DPP6: variants seen among roughly 807,000 people sequenced by gnomAD.
DPP6 encodes A-type potassium channel modulatory protein DPP6.
A neutral mutation model predicts 122.6 loss-of-function variants in DPP6; 69 were observed. The observed-to-expected ratio is 0.56, with a 90% confidence interval of 0.46 to 0.69. DPP6 has a LOEUF of 0.69. DPP6 is among the 30% of genes least tolerant of loss of function. The pLI is 0.00. For synonymous variants in DPP6, 418 were observed against 433.1 expected (o/e 0.97, Z 0.43); for missense variants, 928 against 1,116.9 (o/e 0.83, Z 2.41).
chr7:153,782,400 G>A, the DPP6 span, among the ~76,000 whole-genome samples: 2 of 152,110 alleles, frequency 1.3e-5, no homozygotes, highest in Admixed American at 1.3e-4. Context: ...CCGTGGCACT[G>A]TGAAGACAAA....
At chr7:154,407,364 G>A (rs1259248514) in intron 1 of DPP6, among the ~76,000 whole-genome samples, 1 of 152,168 alleles carries the variant, frequency 6.6e-6, no homozygotes, top group Non-Finnish European at 1.5e-5. Flanking sequence ...CTGCCCAAAT[G>A]TTATTGAAAA....
the DPP6 span, among the ~76,000 whole-genome samples, chr7:153,797,112 A>T: frequency 6.6e-6 from 1 of 152,282 alleles, no homozygotes; most frequent in South Asian, 2.1e-4. Flanking sequence ...GGAACTTGAA[A>T]GTGGATCATT....
intron 7 of DPP6, among the ~76,000 whole-genome samples, chr7:154,716,837 T>C (rs1841515016): frequency 2.0e-5 from 3 of 152,160 alleles, no homozygotes; most frequent in African/African-American, 7.2e-5. Context: ...TTTGTTGTTA[T>C]TGTTGCTGTT....
intron 8 of DPP6, among the ~76,000 whole-genome samples, chr7:154,735,052 T>C (rs1353895429): frequency 6.6e-6 from 1 of 152,246 alleles, no homozygotes; most frequent in Non-Finnish European, 1.5e-5. Context: ...CATTAATGTG[T>C]AATTAATGAT....
chr7:154,255,161 G>A (rs747266283), intron 1 of DPP6, among the ~76,000 whole-genome samples: 7 of 152,134 alleles, frequency 4.6e-5, no homozygotes, highest in South Asian at 2.1e-4. Context: ...TACAGGGTCC[G>A]TCCGAGGGGT....
chr7:153,836,953 C>A, the DPP6 span, among the ~76,000 whole-genome samples: 1 of 152,130 alleles, frequency 6.6e-6, no homozygotes, highest in South Asian at 2.1e-4. Context: ...GTGGCTGCTG[C>A]GGAGGCTGGT....
chr7:154,181,708 A>G (rs574178457), intron 1 of DPP6, among the ~76,000 whole-genome samples: 1 of 151,386 alleles, frequency 6.6e-6, no homozygotes, highest in East Asian at 1.9e-4. Context: ...CCATTTTAAA[A>G]ACACTTGAGG....
At chr7:154,484,762 T>C (rs1446274571) in intron 3 of DPP6, among the ~76,000 whole-genome samples, 2 of 152,232 alleles carry the variant, frequency 1.3e-5, no homozygotes, top group African/African-American at 4.8e-5. Flanking sequence ...TCTGTGTCTC[T>C]AGGATGCGGT....
intron 1 of DPP6, among the ~76,000 whole-genome samples, chr7:154,090,472 A>C (rs1804724536): frequency 1.3e-5 from 2 of 152,238 alleles, no homozygotes; most frequent in Non-Finnish European, 2.9e-5. Context: ...TATGAAATCT[A>C]GGGTTTGTAT....
At position 154,202,057 on chromosome 7, in the gene DPP6, A is replaced by G. The variant is rs547590055; in HGVS notation, c.243+148994A>G. ...AGTACCTAAAAGTGGAGCTACGACT[A>G]GTTTTCTTGGAGTGAGTTTTGGGAA... On this transcript the variant is annotated intron_variant, in intron 1 of 25. Coordinates refer to ENST00000377770, the MANE Select transcript of DPP6 (RefSeq NM_130797.4). Among the ~76,000 whole-genome samples the G allele has an allele frequency of 1.3e-4, 20 of 152,312 alleles. No individual in the cohort carries two copies. In the South Asian group the frequency reaches 3.7e-3, roughly 28 times the overall value.
intron 1 of DPP6, among the ~76,000 whole-genome samples, chr7:153,930,831 C>CA (rs974924096): frequency 5.3e-5 from 8 of 152,032 alleles, no homozygotes; most frequent in Non-Finnish European, 7.4e-5. Context: ...CTGGAATCTG[C>CA]AAAAAATGAG....
At chr7:154,502,978 T>G (rs1332239449) in intron 3 of DPP6, among the ~76,000 whole-genome samples, 1 of 152,216 alleles carries the variant, frequency 6.6e-6, no homozygotes, top group African/African-American at 2.4e-5. Flanking sequence ...TCAAAAAACT[T>G]GAACTTGTCT....
rs3778732 is a variant in DPP6, at chr7:154,853,866, C to T, written c.1714+39C>T. Reference sequence around the variant, plus strand: ...TTTTTCCTTAAATCTTCCTGAGACTCAGGAGAAAGGAAGCAAAACACTCTA... The same window carrying T: ...TTTTTCCTTAAATCTTCCTGAGACTTAGGAGAAAGGAAGCAAAACACTCTA... On this transcript the variant is annotated intron_variant, in intron 17 of 25. Transcript: ENST00000377770. The T allele has an allele frequency of 0.16, 251,259 of 1,610,168 alleles. 20,274 individuals carry two copies. The highest frequency in any genetic ancestry group is 0.22 in the South Asian group (19,781 of 90,858).
At chr7:154,869,040 G>A (rs547102716) in intron 18 of DPP6, among the ~76,000 whole-genome samples, 3 of 152,336 alleles carry the variant, frequency 2.0e-5, no homozygotes, top group East Asian at 3.9e-4. Context: ...CTGACTGATA[G>A]TAACTGCAGG....
intron 1 of DPP6, among the ~76,000 whole-genome samples, chr7:154,068,551 T>G (rs1166970677): frequency 9.5e-6 from 1 of 105,504 alleles, no homozygotes; most frequent in Non-Finnish European, 2.1e-5. Flanking sequence ...GCAGGGAGGG[T>G]GGCTTTGGCA....
chr7:154,294,743 A>C (rs1805425169), intron 1 of DPP6, among the ~76,000 whole-genome samples: 1 of 152,046 alleles, frequency 6.6e-6, no homozygotes, highest in Non-Finnish European at 1.5e-5. Context: ...ACAACTCCAG[A>C]GGGTTTCTTG....
chr7:154,567,935 G>A (rs935639376), intron 5 of DPP6, among the ~76,000 whole-genome samples: 1 of 152,170 alleles, frequency 6.6e-6, no homozygotes, highest in Non-Finnish European at 1.5e-5. Flanking sequence ...GATTACTGGA[G>A]ATTTCAACTT....
At position 154,062,311 on chromosome 7, in the gene DPP6, C is replaced by A. The variant is rs1470736319; in HGVS notation, c.243+9248C>A. The stretch of plus-strand genomic sequence containing the variant: ...CCCTCTTCCCCCCCGGCTCTGAGGA[C>A]CCCCATCGCAGGAGGGGGAGGCACC... On this transcript the variant is annotated intron_variant, in intron 1 of 25. Coordinates refer to ENST00000377770, the MANE Select transcript of DPP6 (RefSeq NM_130797.4). Among the ~76,000 whole-genome samples, 445 of 71,240 alleles carry A rather than the reference C, an allele frequency of 6.2e-3. 11 individuals carry two copies. Among genetic ancestry groups the A allele is most frequent in the Non-Finnish European group, 9.2e-3 (322 of 35,062 alleles). The allele number at this position is 71,240 out of a possible 152,430, so 46.7% of individuals were successfully genotyped here. A position where few individuals can be genotyped will look rare whatever the true frequency, so the allele number is the denominator to read the frequency against.
chr7:154,480,498 T>C (rs1189592782), intron 3 of DPP6, among the ~76,000 whole-genome samples: 2 of 152,190 alleles, frequency 1.3e-5, no homozygotes, highest in Non-Finnish European at 2.9e-5. Flanking sequence ...CTGGATACAC[T>C]TTTTTCTTTC....
Sources: allele counts gnomAD v4.1 joint callset (sites outside exome capture counted in the v4.1 genomes callset), GRCh38; gene constraint gnomAD v4.1.1; transcripts MANE v1.5; gene names NCBI Gene and HGNC (gene_info 2026-07-23, HGNC 2026-07-21).